STK26: variants seen among roughly 807,000 people sequenced by gnomAD.
STK26 encodes serine/threonine-protein kinase 26.
STK26 carries 14 observed loss-of-function variants against 34.7 expected under a neutral mutation model. That is an observed-to-expected ratio of 0.40 (90% CI 0.27 to 0.63). The LOEUF is 0.63. Among genes scored for constraint, STK26 ranks in the 30% least tolerant of loss-of-function variants. STK26 has a pLI of 0.38. For synonymous variants in STK26, 100 were observed against 109.8 expected (o/e 0.91, Z 0.56); for missense variants, 226 against 309.1 (o/e 0.73, Z 2.02).
Position 132,043,362 on chromosome X carries a change from A to G in STK26, c.43-11269A>G, listed in dbSNP as rs140849365. Reference sequence around the variant, plus strand: ...GAGGCTCTCAGCATCTGTCACTTCAAAGTGCCCTGTGTGGGTTTGGTTAAA... The same window carrying G: ...GAGGCTCTCAGCATCTGTCACTTCAGAGTGCCCTGTGTGGGTTTGGTTAAA... On this transcript the variant is annotated intron_variant, in intron 2 of 11. Transcript: ENST00000394334. Among the ~76,000 whole-genome samples the G allele has an allele frequency of 8.5e-4, 95 of 111,934 alleles. 1 individual carries two copies. In the East Asian group the frequency reaches 0.024, roughly 29 times the overall value.
At chrX:132,037,584 A>G (rs1017383095) in intron 2 of STK26, among the ~76,000 whole-genome samples, 3 of 110,603 alleles carry the variant, frequency 2.7e-5, no homozygotes, top group Non-Finnish European at 5.7e-5. Flanking sequence ...AAAATCAGAG[A>G]TATGTGGGCA....
intron 2 of STK26, among the ~76,000 whole-genome samples, chrX:132,044,554 C>T (rs776553249): frequency 9.7e-6 from 1 of 103,218 alleles, no homozygotes; most frequent in South Asian, 4.5e-4. Context: ...CCTACTGAAG[C>T]ATTGGGCTTG....
chrX:132,030,356 G>C, intron 2 of STK26, among the ~76,000 whole-genome samples: 1 of 109,674 alleles, frequency 9.1e-6, no homozygotes, highest in Non-Finnish European at 1.9e-5. Flanking sequence ...TGACTCTTCA[G>C]GGTCCTCTCA....
Position 132,058,278 on chromosome X carries a change from CTGTG to C in STK26, c.273+3423_273+3426del, listed in dbSNP as rs1335601928. ...TATGTGTGTGTGTGTGTGTGTGTGTCTGTGTGTGTATCATTTGCTCATTCTGGTT... is the reference window on the plus strand; with the variant it reads ...TATGTGTGTGTGTGTGTGTGTGTGTCTGTGTATCATTTGCTCATTCTGGTT... On this transcript the variant is annotated intron_variant, in intron 3 of 11. Transcript: ENST00000394334. 1.8e-4 allele frequency among the ~76,000 whole-genome samples: 18 copies of C among 102,211 alleles called. No individual in the cohort carries two copies. The South Asian group carries it at 4.1e-3, about 23-fold the overall frequency. The allele number at this position is 102,211 out of a possible 115,157, so 88.8% of individuals were successfully genotyped here.
At chrX:132,048,964 T>A (rs777925167) in intron 2 of STK26, among the ~76,000 whole-genome samples, 1 of 108,635 alleles carries the variant, frequency 9.2e-6, no homozygotes, top group Non-Finnish European at 1.9e-5. Context: ...TAAAATTCTG[T>A]TTTTTGTTTG....
At chrX:132,045,136 A>G (rs1247621586) in intron 2 of STK26, among the ~76,000 whole-genome samples, 3 of 109,362 alleles carry the variant, frequency 2.7e-5, no homozygotes. Flanking sequence ...ATGAGAAATC[A>G]GTCTGGACAA....
At chrX:132,025,188 AC>A (rs1305840979) in intron 2 of STK26, among the ~76,000 whole-genome samples, 2 of 110,691 alleles carry the variant, frequency 1.8e-5, no homozygotes, top group African/African-American at 6.6e-5. Context: ...ACATTTTCTC[AC>A]CGTGCTCTTC....
chrX:132,027,627 A>G (rs1935127507), intron 2 of STK26, among the ~76,000 whole-genome samples: 1 of 111,732 alleles, frequency 8.9e-6, no homozygotes, highest in South Asian at 3.7e-4. Flanking sequence ...ATTCCTCTAG[A>G]AAAATGATAC....
intron 2 of STK26, among the ~76,000 whole-genome samples, chrX:132,036,434 A>C (rs1164326336): frequency 9.0e-6 from 1 of 111,350 alleles, no homozygotes; most frequent in African/African-American, 3.3e-5. Flanking sequence ...GTCTCTACTC[A>C]AAATACAAAA....
At position 132,063,433 on chromosome X, in the gene STK26, G is replaced by T. The variant is rs893843399; in HGVS notation, c.274G>T (p.Gly92Trp). The change falls in exon 4 of 12, where the codon GGG (glycine) becomes TGG (tryptophan). Residue 92 changes from glycine to tryptophan, a missense_variant and splice_region_variant. By Grantham distance (184) the Gly-to-Trp change is radical. Around this residue, in one of 2 missense-constraint regions of STK26, gnomAD observed 100 missense variants for 176.7 expected, o/e 0.57. Coordinates refer to ENST00000394334, the MANE Select transcript of STK26 (RefSeq NM_016542.4). ...ATTAAATTGTTTCATGGCTTTACAG[G>T]GGTCTAAATTATGGATAATAATGGA... ...VTKYYGSYLK[G>W]SKLWIIMEYL... 1 of 1,202,931 alleles carries T rather than the reference G, an allele frequency of 8.3e-7. No homozygotes were observed. Among genetic ancestry groups the T allele is most frequent in the Non-Finnish European group, 1.1e-6 (1 of 890,539 alleles).
At chrX:132,039,896 C>T (rs1490745230) in intron 2 of STK26, among the ~76,000 whole-genome samples, 2 of 111,481 alleles carry the variant, frequency 1.8e-5, no homozygotes, top group East Asian at 5.6e-4. Flanking sequence ...AATTCCTCAT[C>T]TGAACCATAA....
At chrX:132,068,817 C>G (rs1446068570) in intron 6 of STK26, among the ~76,000 whole-genome samples, 1 of 111,257 alleles carries the variant, frequency 9.0e-6, no homozygotes, top group African/African-American at 3.3e-5. Flanking sequence ...ATATAAAGCT[C>G]TACACAATCT....
At chrX:132,070,363 A>G (rs1232327730) in intron 7 of STK26, among the ~76,000 whole-genome samples, 1 of 111,700 alleles carries the variant, frequency 9.0e-6, no homozygotes, top group Non-Finnish European at 1.9e-5. Context: ...GTGTTTAGAA[A>G]CTTCAATGTG....
At chrX:132,054,228 A>G (rs764638378) in intron 2 of STK26, among the ~76,000 whole-genome samples, 2 of 112,389 alleles carry the variant, frequency 1.8e-5, no homozygotes, top group African/African-American at 6.4e-5. Context: ...TTAAAAGGTA[A>G]TATTGGCAGA....
Position 132,023,572 on chromosome X carries a change from C to T in STK26, c.-46C>T, listed in dbSNP as rs952198073. On this transcript the variant is annotated 5_prime_UTR_variant, in exon 2 of 12. Coordinates refer to ENST00000394334, the MANE Select transcript of STK26 (RefSeq NM_016542.4). ...CCGGAGGGAGGAGCCAGTCCGAACC[C>T]AAGGCGCCACCGCCGCAGAAGCGGA... is the stretch of plus-strand genomic sequence containing the variant. 8.6e-7 allele frequency: 1 copy of T among 1,164,914 alleles called. No individual in the cohort carries two copies. Among genetic ancestry groups the T allele is most frequent in the Non-Finnish European group, 1.1e-6 (1 of 871,418 alleles).
chrX:132,026,025 G>T (rs1002367942), intron 2 of STK26, among the ~76,000 whole-genome samples: 1 of 111,518 alleles, frequency 9.0e-6, no homozygotes, highest in South Asian at 3.7e-4. Context: ...TGAGGTAGCC[G>T]ACCAGCCTAT....
chrX:132,027,819 G>A (rs189747530), intron 2 of STK26, among the ~76,000 whole-genome samples: 118 of 110,624 alleles, frequency 1.1e-3, no homozygotes, highest in Non-Finnish European at 2.0e-3. Context: ...GGATTGAGAG[G>A]GGAAGGCAGT....
At chrX:132,069,762 G>A in intron 7 of STK26, 99 bp downstream of exon 7, 1 of 515,032 alleles carries the variant, frequency 1.9e-6, no homozygotes, top group Non-Finnish European at 2.7e-6. Context: ...GTGTATGTGA[G>A]AATTGTCTAA....
At chrX:132,073,319 A>T (rs758088390) in intron 11 of STK26, among the ~76,000 whole-genome samples, 1 of 112,399 alleles carries the variant, frequency 8.9e-6, no homozygotes, top group East Asian at 2.8e-4. Flanking sequence ...CCACTGCATG[A>T]AATGACCTGT....
Sources: gnomAD v4.1 joint callset for allele counts (sites outside exome capture counted in the v4.1 genomes callset) on GRCh38, gnomAD v4.1.1 for gene constraint, gnomAD v4.1.1 regional missense constraint, MANE v1.5 for transcripts, NCBI Gene and HGNC (gene_info 2026-07-23, HGNC 2026-07-21) for gene names.